Variants in RORA observed in about 807,000 individuals in gnomAD.
RORA encodes the protein nuclear receptor ROR-alpha.
RORA carries 7 observed loss-of-function variants against 69.5 expected under a neutral mutation model. The ratio of observed to expected loss-of-function variants is 0.10; its 90% CI spans 0.06 to 0.19. The LOEUF (loss-of-function observed/expected upper bound fraction) is 0.19, where lower values mean the gene tolerates loss of function less well. Ranked by LOEUF, RORA falls within the 10% of genes least tolerant of loss-of-function variation. The pLI is 1.00. For synonymous variants in RORA, 261 were observed against 240.8 expected (o/e 1.08, Z -0.78); for missense variants, 457 against 663.0 (o/e 0.69, Z 3.41).
At chr15:60,972,787 T>A (rs2140353022) in intron 1 of RORA, among the ~76,000 whole-genome samples, 1 of 152,266 alleles carries the variant, frequency 6.6e-6, no homozygotes, top group Non-Finnish European at 1.5e-5. Context: ...AGTTTAAATG[T>A]GGTAAAGCAT....
At chr15:60,661,659 TC>T (rs1753025644) in intron 2 of RORA, among the ~76,000 whole-genome samples, 1 of 152,202 alleles carries the variant, frequency 6.6e-6, no homozygotes, top group Non-Finnish European at 1.5e-5. Flanking sequence ...AAGGGCCCCC[TC>T]TTTTCCAAGG....
chr15:61,056,709 G>C (rs142815173), intron 1 of RORA, among the ~76,000 whole-genome samples: 1 of 152,090 alleles, frequency 6.6e-6, no homozygotes, highest in African/African-American at 2.4e-5. Context: ...TAGAATAAAG[G>C]CAAAGAATGA....
At chr15:60,520,616 G>A (rs1278419297) in intron 3 of RORA, among the ~76,000 whole-genome samples, 1 of 152,088 alleles carries the variant, frequency 6.6e-6, no homozygotes. Context: ...CCTGCAAAAG[G>A]ATTAGGAAGT....
chr15:61,137,016 TAAAA>T (rs1397807836), intron 1 of RORA, among the ~76,000 whole-genome samples: 2 of 49,886 alleles, frequency 4.0e-5, no homozygotes, highest in Non-Finnish European at 9.0e-5. Context: ...AAAAAATAAA[TAAAA>T]AAGAAAGAAA....
intron 1 of RORA, among the ~76,000 whole-genome samples, chr15:61,117,670 T>G (rs947360809): frequency 7.9e-5 from 12 of 152,368 alleles, no homozygotes; most frequent in Admixed American, 3.3e-4. Flanking sequence ...TGAAATCATT[T>G]GAATCTTTCA....
intron 1 of RORA, among the ~76,000 whole-genome samples, chr15:61,096,155 C>T (rs1472583096): frequency 1.3e-5 from 2 of 152,170 alleles, no homozygotes; most frequent in Non-Finnish European, 2.9e-5. Context: ...CAGGCCCACA[C>T]CCACATTGGG....
At chr15:60,542,064 T>C (rs1365469365) in intron 2 of RORA, among the ~76,000 whole-genome samples, 1 of 152,182 alleles carries the variant, frequency 6.6e-6, no homozygotes, top group Admixed American at 6.5e-5. Context: ...AGTGAGTGAG[T>C]GTGACATTAT....
chr15:60,945,123 G>C (rs1384025060), intron 1 of RORA, among the ~76,000 whole-genome samples: 1 of 152,096 alleles, frequency 6.6e-6, no homozygotes, highest in Non-Finnish European at 1.5e-5. Flanking sequence ...CAGCAATATG[G>C]GGCTGGACCA....
chr15:61,180,400 T>C (rs901937382), intron 1 of RORA, among the ~76,000 whole-genome samples: 2 of 152,224 alleles, frequency 1.3e-5, no homozygotes, highest in African/African-American at 2.4e-5. Context: ...AATTAAACTA[T>C]GCAACATCTT....
rs144091192 is a variant in RORA, at chr15:60,513,148, A to T, written c.424+1468T>A. 3.9e-5 allele frequency among the ~76,000 whole-genome samples: 6 copies of T among 152,350 alleles called. No homozygotes were observed. The East Asian group carries it at 1.2e-3, about 29-fold the overall frequency. ...CGCGCTGTCCTTGTTCACAGAGGAA[A>T]CAGGTGAGCTGGAATACTGGTCACT... On this transcript the variant is annotated intron_variant, in intron 4 of 10. Transcript: ENST00000335670.
At chr15:60,715,185 A>G (rs2071203531) in intron 1 of RORA, among the ~76,000 whole-genome samples, 1 of 152,152 alleles carries the variant, frequency 6.6e-6, no homozygotes. Flanking sequence ...CCTTGGCCAT[A>G]CCTCCCAATG....
At chr15:60,860,703 C>T (rs1281224985) in intron 1 of RORA, among the ~76,000 whole-genome samples, 17 of 152,220 alleles carry the variant, frequency 1.1e-4, no homozygotes. Context: ...GTCATTAGTT[C>T]TAGTATCATG....
intron 1 of RORA, among the ~76,000 whole-genome samples, chr15:60,739,638 A>C (rs532730150): frequency 6.6e-6 from 1 of 152,134 alleles, no homozygotes; most frequent in African/African-American, 2.4e-5. Context: ...GTGTGGACCA[A>C]CTCAGTCTGG....
intron 2 of RORA, among the ~76,000 whole-genome samples, chr15:60,642,241 A>C (rs867864897): frequency 4.6e-5 from 7 of 152,206 alleles, no homozygotes; most frequent in African/African-American, 1.7e-4. Flanking sequence ...AGGAGAAAAA[A>C]AAAAGAAGAA....
At chr15:61,176,016 A>C (rs546572999) in intron 1 of RORA, 1 of 152,242 alleles carries the variant, frequency 6.6e-6, no homozygotes, top group Non-Finnish European at 1.5e-5. Flanking sequence ...ACACCATCAT[A>C]AAGGTTCCTA....
At chr15:60,582,605 A>G (rs764839632) in intron 2 of RORA, among the ~76,000 whole-genome samples, 1 of 152,190 alleles carries the variant, frequency 6.6e-6, no homozygotes, top group Non-Finnish European at 1.5e-5. Context: ...TGACTCATGT[A>G]CAAAGTGAGG....
chr15:60,947,554 C>G (rs555162814), intron 1 of RORA, among the ~76,000 whole-genome samples: 2 of 150,710 alleles, frequency 1.3e-5, no homozygotes, highest in African/African-American at 4.9e-5. Context: ...ACAAACACTG[C>G]GGAAGGCCCC....
intron 1 of RORA, among the ~76,000 whole-genome samples, chr15:60,969,546 A>G (rs1053190107): frequency 1.3e-5 from 2 of 152,220 alleles, no homozygotes; most frequent in African/African-American, 4.8e-5. Flanking sequence ...AGGGAACTGC[A>G]AGGTTTTCAG....
intron 1 of RORA, among the ~76,000 whole-genome samples, chr15:61,108,620 T>C (rs2078973757): frequency 6.6e-6 from 1 of 152,236 alleles, no homozygotes. Flanking sequence ...TGTAGACCTT[T>C]GCTACTACTA....
Sources: allele counts gnomAD v4.1 joint callset (sites outside exome capture counted in the v4.1 genomes callset), GRCh38; gene constraint gnomAD v4.1.1; transcripts MANE v1.5; gene names NCBI Gene and HGNC (gene_info 2026-07-23, HGNC 2026-07-21).